KCTD16: variants seen among roughly 807,000 people sequenced by gnomAD.
KCTD16 encodes the protein potassium channel tetramerization domain containing 16.
Under a neutral mutation model 33.2 loss-of-function variants are expected in KCTD16, and 13 were observed. The observed-to-expected ratio is 0.39, with a 90% confidence interval of 0.25 to 0.62. The LOEUF (loss-of-function observed/expected upper bound fraction) is 0.62. Ranked by LOEUF, KCTD16 falls within the 20% of genes least tolerant of loss-of-function variation. The probability of loss-of-function intolerance (pLI) is 0.50; values close to 1 mark genes in which losing one functional copy is unlikely to be tolerated. For missense variants in KCTD16, 441 were observed against 525.1 expected (o/e 0.84, Z 1.57); for synonymous variants, 197 against 195.3 (o/e 1.01, Z -0.07).
At chr5:144,473,464 T>A (rs552913687) in intron 3 of KCTD16, among the ~76,000 whole-genome samples, 196 bp from the exon 4 acceptor site, 2 of 152,292 alleles carry the variant, frequency 1.3e-5, no homozygotes, top group Admixed American at 6.5e-5. Context: ...CATGCCATCA[T>A]TAATTTCCTC....
At chr5:144,324,894 G>A (rs1387302959) in intron 3 of KCTD16, among the ~76,000 whole-genome samples, 3 of 152,162 alleles carry the variant, frequency 2.0e-5, no homozygotes, top group Non-Finnish European at 1.5e-5. Flanking sequence ...CATGGACACA[G>A]GGAAGGGAAC....
At chr5:144,275,267 C>T (rs558129394) in intron 3 of KCTD16, among the ~76,000 whole-genome samples, 7 of 152,234 alleles carry the variant, frequency 4.6e-5, no homozygotes, top group Middle Eastern at 3.4e-3. Flanking sequence ...CCTACAAAAA[C>T]GATCCCACCT....
chr5:144,203,070 T>C (rs1753079409), intron 2 of KCTD16, among the ~76,000 whole-genome samples: 2 of 152,192 alleles, frequency 1.3e-5, no homozygotes, highest in South Asian at 4.1e-4. Context: ...TAGGTTTTAT[T>C]AGATTCTCTA....
chr5:144,239,854 G>A (rs1754353109), intron 3 of KCTD16, among the ~76,000 whole-genome samples: 1 of 152,026 alleles, frequency 6.6e-6, no homozygotes, highest in African/African-American at 2.4e-5. Flanking sequence ...GGTACTTGAA[G>A]GATAAATAAG....
intron 3 of KCTD16, among the ~76,000 whole-genome samples, chr5:144,217,491 G>A (rs1006608288): frequency 4.6e-5 from 7 of 152,098 alleles, no homozygotes; most frequent in Non-Finnish European, 1.0e-4. Context: ...GCTCCTCTGG[G>A]ACAGAGGGGT....
chr5:144,205,433 G>C, intron 2 of KCTD16: 4 of 398,324 alleles, frequency 1.0e-5, no homozygotes, highest in Non-Finnish European at 1.3e-5. Flanking sequence ...CAGCTCCGCC[G>C]CCAGAGAAGC....
At chr5:144,185,171 T>C (rs1752700588) in intron 2 of KCTD16, among the ~76,000 whole-genome samples, 1 of 152,176 alleles carries the variant, frequency 6.6e-6, no homozygotes, top group South Asian at 2.1e-4. Context: ...TGCTGAGCAG[T>C]AGAGTGAGGA....
intron 3 of KCTD16, among the ~76,000 whole-genome samples, chr5:144,471,787 T>C (rs1319845029): frequency 6.6e-6 from 1 of 152,238 alleles, no homozygotes; most frequent in Non-Finnish European, 1.5e-5. Context: ...TGATTCCTTT[T>C]TGGCTAATTG....
At chr5:144,181,193 A>T (rs1182963192) in intron 2 of KCTD16, among the ~76,000 whole-genome samples, 1 of 152,140 alleles carries the variant, frequency 6.6e-6, no homozygotes, top group Non-Finnish European at 1.5e-5. Flanking sequence ...TCTGCCTCCC[A>T]AAGTGCTGGG....
chr5:144,464,669 C>T (rs1014641839), intron 3 of KCTD16, among the ~76,000 whole-genome samples: 3 of 150,918 alleles, frequency 2.0e-5, no homozygotes, highest in Non-Finnish European at 2.9e-5. Context: ...GTTCCTCTTC[C>T]TCCTCCTCAT....
intron 3 of KCTD16, among the ~76,000 whole-genome samples, chr5:144,418,908 AC>A (rs1231782709): frequency 6.6e-6 from 1 of 152,132 alleles, no homozygotes; most frequent in Admixed American, 6.6e-5. Flanking sequence ...AACTTTTACA[AC>A]CCATTAACAT....
At chr5:144,193,958 A>C (rs898931737) in intron 2 of KCTD16, among the ~76,000 whole-genome samples, 1 of 152,186 alleles carries the variant, frequency 6.6e-6, no homozygotes, top group Non-Finnish European at 1.5e-5. Flanking sequence ...AGAAATGAAA[A>C]AGATGAGAGT....
chr5:144,383,601 C>T (rs891243993), intron 3 of KCTD16, among the ~76,000 whole-genome samples: 2 of 149,726 alleles, frequency 1.3e-5, no homozygotes, highest in Non-Finnish European at 3.0e-5. Flanking sequence ...CAGCTGAAAA[C>T]ATTGCTTTCC....
intron 3 of KCTD16, among the ~76,000 whole-genome samples, chr5:144,464,443 C>A (rs575944453): frequency 6.6e-6 from 1 of 152,278 alleles, no homozygotes; most frequent in East Asian, 1.9e-4. Context: ...GTAGCCTCAA[C>A]TGAGGAGGGG....
intron 3 of KCTD16, among the ~76,000 whole-genome samples, chr5:144,216,587 T>C (rs1328026440): frequency 2.0e-5 from 3 of 152,108 alleles, no homozygotes; most frequent in Non-Finnish European, 4.4e-5. Flanking sequence ...CTCACACCTG[T>C]AATCCCAGCA....
At chr5:144,208,405 G>A (rs777273889) in intron 3 of KCTD16, among the ~76,000 whole-genome samples, 1 of 152,144 alleles carries the variant, frequency 6.6e-6, no homozygotes, top group East Asian at 1.9e-4. Flanking sequence ...TTATGATATG[G>A]CATTATTCTA....
At chr5:144,269,747 ATAATT>A (rs1403076118) in intron 3 of KCTD16, among the ~76,000 whole-genome samples, 12 of 152,128 alleles carry the variant, frequency 7.9e-5, no homozygotes, top group Admixed American at 5.2e-4. Flanking sequence ...TGTTTTCTAT[ATAATT>A]TAAGAGCTTA....
intron 3 of KCTD16, among the ~76,000 whole-genome samples, chr5:144,461,645 C>G (rs977789751): frequency 7.9e-5 from 12 of 152,310 alleles, no homozygotes; most frequent in African/African-American, 2.4e-4. Flanking sequence ...CAGTAATGAT[C>G]TGGTCGCTCT....
intron 3 of KCTD16, among the ~76,000 whole-genome samples, chr5:144,246,970 C>G (rs576600165): frequency 6.6e-6 from 1 of 152,248 alleles, no homozygotes; most frequent in Admixed American, 6.5e-5. Flanking sequence ...AATCATTTAG[C>G]CTTTTGCAGT....
Sources: allele counts gnomAD v4.1 joint callset (sites outside exome capture counted in the v4.1 genomes callset), GRCh38; gene constraint gnomAD v4.1.1; transcripts MANE v1.5; gene names NCBI Gene and HGNC (gene_info 2026-07-23, HGNC 2026-07-21).